The following AKT2 variants were observed in gnomAD, a reference collection of about 807,000 sequenced individuals.
The protein encoded by AKT2 is AKT serine/threonine kinase 2.
A neutral mutation model predicts 58.6 loss-of-function variants in AKT2; 16 were observed. The ratio of observed to expected loss-of-function variants is 0.27; its 90% CI spans 0.18 to 0.41. The LOEUF is 0.41. Ranked by LOEUF, AKT2 falls within the 10% of genes least tolerant of loss-of-function variation. The probability of loss-of-function intolerance (pLI) is 1.00; values close to 1 mark genes in which losing one functional copy is unlikely to be tolerated. For synonymous variants in AKT2, 253 were observed against 254.0 expected (o/e 1.00, Z 0.04); for missense variants, 438 against 661.0 (o/e 0.66, Z 3.70).
At chr19:40,257,161 G>C in intron 2 of AKT2, 107 bp from the exon 3 acceptor site, 1 of 1,429,286 alleles carries the variant, frequency 7.0e-7, no homozygotes, top group East Asian at 2.3e-5. Context: ...GGGGTACCAC[G>C]GGGCGGGGAG....
intron 4 of AKT2, among the ~76,000 whole-genome samples, chr19:40,245,503 C>A (rs1239400912): frequency 6.6e-6 from 1 of 152,156 alleles, no homozygotes; most frequent in Admixed American, 6.5e-5. Flanking sequence ...AAGTCATGAT[C>A]CTGGAGCCCT....
chr19:40,285,050 C>A, intron 1 of AKT2, 131 bp downstream of exon 1: 2 of 384,678 alleles, frequency 5.2e-6, no homozygotes, highest in Non-Finnish European at 9.2e-6. Context: ...CCACTCAGCT[C>A]CTGAAGGAGG....
intron 4 of AKT2, among the ~76,000 whole-genome samples, chr19:40,247,119 T>C (rs1974808184): frequency 6.6e-6 from 1 of 152,176 alleles, no homozygotes; most frequent in Admixed American, 6.5e-5. Context: ...TGGACCAAAG[T>C]TGCAAGGTTG....
chr19:40,240,692 A>T (rs929954416), intron 6 of AKT2: 1 of 191,330 alleles, frequency 5.2e-6, no homozygotes, highest in African/African-American at 2.4e-5. Flanking sequence ...GGTTCCAAAA[A>T]TCTGGAGCCA....
intron 1 of AKT2, among the ~76,000 whole-genome samples, chr19:40,275,764 T>TGGA (rs1453536072): frequency 2.1e-4 from 1 of 4,740 alleles, no homozygotes; most frequent in East Asian, 3.5e-3. Context: ...TTTGGGAGGC[T>TGGA]GGGGGGGGGG....
rs1313703470 is a variant in AKT2, at chr19:40,230,715, TG to T, written c.*3156del. On this transcript the variant is annotated 3_prime_UTR_variant, in exon 14 of 14. Coordinates refer to ENST00000392038, the MANE Select transcript of AKT2 (RefSeq NM_001626.6). The stretch of plus-strand genomic sequence containing the variant: ...CTGTCTTTTTTAATAGCATGTATCA[TG>T]TTTTTTTTTTTTTTATTTTTAGAGA... 3 of 206,536 alleles carry T rather than the reference TG, an allele frequency of 1.5e-5. No individual in the cohort carries two copies. Among genetic ancestry groups the T allele is most frequent in the East Asian group, 7.0e-5 (1 of 14,288 alleles). 12.8% of individuals were successfully genotyped at this position (206,536 alleles called of 1,614,324 possible).
chr19:40,242,900 G>C lies in AKT2; in HGVS notation c.288-213C>G. The C allele has an allele frequency of 1.7e-6, 1 of 574,816 alleles. No individual in the cohort carries two copies. Among genetic ancestry groups the C allele is most frequent in the East Asian group, 3.1e-5 (1 of 32,388 alleles). 35.6% of individuals were successfully genotyped at this position (574,816 alleles called of 1,614,324 possible). ...GCAGTGGCTCATGCCTATAATCCCAGCACTTTGGGAGGCTGAGGCGGATGG... is the reference window on the plus strand; with the variant it reads ...GCAGTGGCTCATGCCTATAATCCCACCACTTTGGGAGGCTGAGGCGGATGG... On this transcript the variant is annotated intron_variant, in intron 4 of 13. Coordinates refer to ENST00000392038, the MANE Select transcript of AKT2 (RefSeq NM_001626.6). This position sits in a 1 kb window ranked among gnomAD's most constrained non-coding sequence, Gnocchi z 4.3.
chr19:40,242,409 T>C lies in AKT2; in HGVS notation c.441+125A>G. ...CCTGCCACCTGAAATCACCCCACCC[T>C]GCAGGGCAGCCTTGTCTCTCAGCTG... On this transcript the variant is annotated intron_variant, in intron 5 of 13. Transcript: ENST00000392038. This position sits in a 1 kb window ranked among gnomAD's most constrained non-coding sequence, Gnocchi z 4.3. 1.4e-6 allele frequency: 2 copies of C among 1,458,020 alleles called. No individual in the cohort carries two copies. Among genetic ancestry groups the C allele is most frequent in the East Asian group, 2.3e-5 (1 of 44,106 alleles). The allele number at this position is 1,458,020 out of a possible 1,614,324, so 90.3% of individuals were successfully genotyped here.
chr19:40,236,166 C>A (rs2145166495), intron 10 of AKT2, 62 bp from the exon 11 acceptor site: 1 of 1,613,364 alleles, frequency 6.2e-7, no homozygotes, highest in African/African-American at 1.3e-5. Flanking sequence ...CACAGTCCTG[C>A]CCTCAGGGCA....
chr19:40,248,556 C>G (rs1974909700), intron 4 of AKT2, among the ~76,000 whole-genome samples: 1 of 152,166 alleles, frequency 6.6e-6, no homozygotes, highest in South Asian at 2.1e-4. Flanking sequence ...CCTTGGCACA[C>G]AGCTATGAAA....
At position 40,230,637 on chromosome 19, in the gene AKT2, T is replaced by G; in HGVS notation, c.*3235A>C. 4.4e-6 allele frequency: 1 copy of G among 226,424 alleles called. No homozygotes were observed. Among genetic ancestry groups the G allele is most frequent in the Non-Finnish European group, 8.8e-6 (1 of 113,754 alleles). 14.0% of individuals were successfully genotyped at this position (226,424 alleles called of 1,614,324 possible). On this transcript the variant is annotated 3_prime_UTR_variant, in exon 14 of 14. Transcript: ENST00000392038. The stretch of plus-strand genomic sequence containing the variant: ...GAGAGGTAATCAGCACCAAAATGAG[T>G]ACTCAAGGCCCTGCGACCTCGGGTG...
At chr19:40,282,250 G>T in intron 1 of AKT2, 1 of 324,980 alleles carries the variant, frequency 3.1e-6, no homozygotes, top group Non-Finnish European at 6.1e-6. Flanking sequence ...AGCTTCTCGT[G>T]GATTAATTCA....
intron 4 of AKT2, 67 bp downstream of exon 4, chr19:40,255,091 T>G (rs549854357): frequency 7.8e-7 from 1 of 1,283,280 alleles, no homozygotes; most frequent in East Asian, 2.3e-5. Context: ...TCTCTCCAGC[T>G]GTACCTTTTC....
chr19:40,262,199 G>T, intron 2 of AKT2, among the ~76,000 whole-genome samples: 1 of 151,104 alleles, frequency 6.6e-6, no homozygotes, highest in Non-Finnish European at 1.5e-5. Flanking sequence ...TTGAGGCTAG[G>T]AGTTCAAGAC....
At chr19:40,257,497 A>C (rs987905899) in intron 2 of AKT2, among the ~76,000 whole-genome samples, 27 of 152,092 alleles carry the variant, frequency 1.8e-4, no homozygotes, top group Admixed American at 1.2e-3. Context: ...TGTGCCAGGC[A>C]GGGTGGCACT....
Position 40,285,324 on chromosome 19 carries a change from CAG to C in AKT2, c.-230_-229del. 2.5e-6 allele frequency: 1 copy of C among 394,304 alleles called. No individual in the cohort carries two copies. The highest frequency in any genetic ancestry group is 4.5e-6 in the Non-Finnish European group (1 of 223,364). 24.4% of individuals were successfully genotyped at this position (394,304 alleles called of 1,614,324 possible). A position where few individuals can be genotyped will look rare whatever the true frequency, so the allele number is the denominator to read the frequency against. ...GGCGGCGGCGACGCCTCCTCCGAGG[CAG>C]GCCCAACGGCTAGCACGGCGCGGCC... On this transcript the variant is annotated 5_prime_UTR_variant, in exon 1 of 14. Transcript: ENST00000392038.
chr19:40,272,702 T>C (rs2077237234), intron 1 of AKT2, among the ~76,000 whole-genome samples: 1 of 152,158 alleles, frequency 6.6e-6, no homozygotes, highest in African/African-American at 2.4e-5. Flanking sequence ...GGGCATACTG[T>C]CTTAGACTTC....
In AKT2 at chr19:40,240,094, G is replaced by T; in HGVS notation, c.590C>A (p.Thr197Lys). 6.2e-7 allele frequency: 1 copy of T among 1,614,098 alleles called. No individual in the cohort carries two copies. Among genetic ancestry groups the T allele is most frequent in the Non-Finnish European group, 8.5e-7 (1 of 1,180,046 alleles). ...CTGGAGGACCCGGCTCTCGGTGACT[G>T]TGTGAGCGACTTCATCCTGCAGACA... Reference protein sequence around the residue: ...VIIAKDEVAHTVTESRVLQNT... With the variant: ...VIIAKDEVAHKVTESRVLQNT... The change falls in exon 7 of 14, where the codon ACA becomes AAA. Residue 197 changes from threonine (T) to lysine (K), a missense_variant. Physicochemically the swap from Thr to Lys is moderately conservative, Grantham distance 78 (BLOSUM62 -1). Coordinates refer to ENST00000392038, the MANE Select transcript of AKT2 (RefSeq NM_001626.6).
intron 6 of AKT2, 114 bp from the exon 7 acceptor site, chr19:40,240,224 C>A: frequency 9.1e-7 from 1 of 1,101,058 alleles, no homozygotes; most frequent in East Asian, 2.4e-5. Flanking sequence ...GCCATAAATG[C>A]AGAAAATCAC....
Sources: gnomAD v4.1 joint callset for allele counts (sites outside exome capture counted in the v4.1 genomes callset) on GRCh38, gnomAD v4.1.1 for gene constraint, Gnocchi (gnomAD v3.1) non-coding constraint, MANE v1.5 for transcripts, NCBI Gene and HGNC (gene_info 2026-07-23, HGNC 2026-07-21) for gene names.